NSL1: variants seen among roughly 807,000 people sequenced by gnomAD.
NSL1 encodes NSL1 component of MIS12 kinetochore complex.
In NSL1, 11 loss-of-function variants were observed where a neutral mutation model predicts 25.4. The ratio of observed to expected loss-of-function variants is 0.43; its 90% CI spans 0.27 to 0.72. The LOEUF (loss-of-function observed/expected upper bound fraction) is 0.72. Ranked by LOEUF, NSL1 falls within the 30% of genes least tolerant of loss-of-function variation. NSL1 has a pLI of 0.19. For missense variants in NSL1, 330 were observed against 342.7 expected (o/e 0.96, Z 0.29); for synonymous variants, 118 against 120.6 (o/e 0.98, Z 0.14).
chr1:212,727,216 ATC>A lies in NSL1; in HGVS notation c.*11190_*11191del, dbSNP rs541909582. 5.2e-5 allele frequency: 78 copies of A among 1,494,380 alleles called. 1 individual carries two copies. In the South Asian group the frequency reaches 8.9e-4, roughly 17 times the overall value. 92.6% of individuals were successfully genotyped at this position (1,494,380 alleles called of 1,614,324 possible). A position where few individuals can be genotyped will look rare whatever the true frequency, so the allele number is the denominator to read the frequency against. On this transcript the variant is annotated 3_prime_UTR_variant, in exon 6 of 6. Coordinates refer to ENST00000366977, the MANE Select transcript of NSL1 (RefSeq NM_015471.4). ...AATGGGGGTGAATGGAATTTAGAAG[ATC>A]TCTTTTTCTGAAAACTATATATGGC...
rs2102419011 is a variant in NSL1 at position 212,730,664 on chromosome 1, AGT to A, written c.*7742_*7743del. The A allele has an allele frequency of 4.1e-6, 4 of 985,416 alleles. No homozygotes were observed. Among genetic ancestry groups the A allele is most frequent in the Non-Finnish European group, 4.8e-6 (4 of 829,916 alleles). The allele number at this position is 985,416 out of a possible 1,614,324, so 61.0% of individuals were successfully genotyped here. ...AGAAGGCAACTATACCTGCTAGCAC[AGT>A]GATGTCACTGAGGGATGTCAATGCC... On this transcript the variant is annotated 3_prime_UTR_variant, in exon 6 of 6. Transcript: ENST00000366977.
At chr1:212,763,485 TACAGAATG>T (rs1314502685) in intron 4 of NSL1, among the ~76,000 whole-genome samples, 3 of 152,036 alleles carry the variant, frequency 2.0e-5, no homozygotes, top group Non-Finnish European at 4.4e-5. Context: ...ACTTAAAAGA[TACAGAATG>T]ACAGAATGGA....
chr1:212,747,111 C>T (rs938943384), intron 4 of NSL1, among the ~76,000 whole-genome samples: 2 of 147,874 alleles, frequency 1.4e-5, no homozygotes, highest in Non-Finnish European at 3.0e-5. Context: ...CACTGCACTC[C>T]AGCCTGGGCG....
rs920168550 is a variant in NSL1 at position 212,744,127 on chromosome 1, A to G, written c.500-4526T>C. 2.6e-5 allele frequency among the ~76,000 whole-genome samples: 4 copies of G among 152,208 alleles called. No individual in the cohort carries two copies. The East Asian group carries it at 5.8e-4, about 22-fold the overall frequency. On this transcript the variant is annotated intron_variant, in intron 4 of 5. Coordinates refer to ENST00000366977, the MANE Select transcript of NSL1 (RefSeq NM_015471.4). ...AACAAACTGCTTGCTGAAAAGCTCC[A>G]AACAAGCAGGATGGGAAGGCAAAGG...
chr1:212,782,461 C>T, intron 3 of NSL1, 35 bp from the exon 4 acceptor site: 2 of 1,383,478 alleles, frequency 1.4e-6, no homozygotes, highest in Admixed American at 1.7e-5. Flanking sequence ...GATTTAATCA[C>T]TTAATGCTTC....
At chr1:212,758,927 A>G (rs1164674171) in intron 4 of NSL1, among the ~76,000 whole-genome samples, 1 of 152,244 alleles carries the variant, frequency 6.6e-6, no homozygotes, top group Non-Finnish European at 1.5e-5. Context: ...GTAGTGGCCT[A>G]AGGACAGACA....
intron 1 of NSL1, among the ~76,000 whole-genome samples, chr1:212,790,204 G>C (rs1661134502): frequency 6.6e-6 from 1 of 151,898 alleles, no homozygotes; most frequent in South Asian, 2.1e-4. Flanking sequence ...TATTATTATT[G>C]TTTTAGTAGA....
At chr1:212,774,389 A>T (rs1213193695) in intron 4 of NSL1, among the ~76,000 whole-genome samples, 1 of 152,190 alleles carries the variant, frequency 6.6e-6, no homozygotes, top group African/African-American at 2.4e-5. Context: ...TACCAATTTA[A>T]AAAAAATTTA....
At chr1:212,788,130 T>C (rs1002397810) in intron 1 of NSL1, among the ~76,000 whole-genome samples, 6 of 152,224 alleles carry the variant, frequency 3.9e-5, no homozygotes, top group African/African-American at 4.8e-5. Context: ...ATAGCAAACG[T>C]AGGCCAGGTG....
At chr1:212,780,172 G>T (rs1486228267) in intron 4 of NSL1, among the ~76,000 whole-genome samples, 2 of 151,530 alleles carry the variant, frequency 1.3e-5, no homozygotes, top group African/African-American at 2.4e-5. Context: ...AAAATTCTTC[G>T]GCCTTGGGAT....
chr1:212,763,137 C>T lies in NSL1; in HGVS notation c.499+19235G>A, dbSNP rs73081865. Among the ~76,000 whole-genome samples, 825 of 152,270 alleles carry T rather than the reference C, an allele frequency of 5.4e-3. 5 individuals are homozygous for T. The highest frequency in any genetic ancestry group is 0.018 in the African/African-American group (762 of 41,548). The stretch of plus-strand genomic sequence containing the variant: ...AGCACTGTGGGAGTGAGACCAGCGT[C>T]GCCAACTGTGAAAGAGCTGGGTGAG... On this transcript the variant is annotated intron_variant, in intron 4 of 5. Transcript: ENST00000366977.
chr1:212,781,118 AT>A (rs1430888709), intron 4 of NSL1, among the ~76,000 whole-genome samples: 1 of 152,184 alleles, frequency 6.6e-6, no homozygotes, highest in African/African-American at 2.4e-5. Flanking sequence ...AAAACTCAAA[AT>A]TTATCCAAAA....
intron 4 of NSL1, among the ~76,000 whole-genome samples, chr1:212,745,100 C>T (rs1321004534): frequency 7.1e-6 from 1 of 140,294 alleles, no homozygotes; most frequent in Non-Finnish European, 1.6e-5. Flanking sequence ...TGTGCCACTG[C>T]ACTCCAGCCT....
intron 4 of NSL1, among the ~76,000 whole-genome samples, chr1:212,741,173 G>A (rs1167269439): frequency 6.6e-6 from 1 of 152,056 alleles, no homozygotes; most frequent in Non-Finnish European, 1.5e-5. Flanking sequence ...AAAGTACTCA[G>A]GGGCATAACA....
chr1:212,755,440 TATATA>T (rs968725451), intron 4 of NSL1, among the ~76,000 whole-genome samples: 1 of 151,412 alleles, frequency 6.6e-6, no homozygotes, highest in Non-Finnish European at 1.5e-5. Context: ...CAAAAATACA[TATATA>T]ATATTATTTA....
intron 4 of NSL1, among the ~76,000 whole-genome samples, chr1:212,751,243 T>G (rs1037782968): frequency 1.6e-4 from 24 of 152,224 alleles, no homozygotes; most frequent in African/African-American, 5.8e-4. Context: ...TTTCCCTACC[T>G]GTTCCATGGA....
At chr1:212,775,929 G>A (rs753251270) in intron 4 of NSL1, among the ~76,000 whole-genome samples, 3 of 151,790 alleles carry the variant, frequency 2.0e-5, no homozygotes, top group Non-Finnish European at 4.4e-5. Flanking sequence ...CCAGGTTCAC[G>A]CCATTCTTCT....
chr1:212,740,408 A>C (rs976557245), intron 4 of NSL1, among the ~76,000 whole-genome samples: 5 of 151,134 alleles, frequency 3.3e-5, no homozygotes, highest in African/African-American at 9.9e-5. Flanking sequence ...AATGAACCAC[A>C]AAAACAGCTT....
Position 212,784,349 on chromosome 1 carries a change from G to A in NSL1, c.444+14C>T. Reference sequence around the variant, plus strand: ...TAAAATATACTATAACATTTTAAAGGCAAATCATCTTACCAGAATTTCTTG... The same window carrying A: ...TAAAATATACTATAACATTTTAAAGACAAATCATCTTACCAGAATTTCTTG... On this transcript the variant is annotated intron_variant, in intron 3 of 5. Transcript: ENST00000366977. 10 of 1,541,206 alleles carry A rather than the reference G, an allele frequency of 6.5e-6. No individual in the cohort carries two copies. The highest frequency in any genetic ancestry group is 7.9e-6 in the Non-Finnish European group (9 of 1,132,894).
Sources: allele counts gnomAD v4.1 joint callset (sites outside exome capture counted in the v4.1 genomes callset), GRCh38; gene constraint gnomAD v4.1.1; transcripts MANE v1.5; gene names NCBI Gene and HGNC (gene_info 2026-07-23, HGNC 2026-07-21).